SEMA5A: variants seen among roughly 807,000 people sequenced by gnomAD.
SEMA5A encodes the protein semaphorin-5A.
Under a neutral mutation model 135.5 loss-of-function variants are expected in SEMA5A, and 55 were observed. The ratio of observed to expected loss-of-function variants is 0.41; its 90% CI spans 0.33 to 0.51. SEMA5A has a LOEUF of 0.51. Among genes scored for constraint, SEMA5A ranks in the 20% least tolerant of loss-of-function variants. The pLI is 0.37. For synonymous variants in SEMA5A, 580 were observed against 546.5 expected, an observed-to-expected ratio of 1.06 and a Z score of -0.85; for missense variants, 1,290 against 1,419.9, an observed-to-expected ratio of 0.91 and a Z score of 1.47.
At chr5:9,252,904 T>C (rs1748875285) in intron 5 of SEMA5A, among the ~76,000 whole-genome samples, 1 of 152,154 alleles carries the variant, frequency 6.6e-6, no homozygotes, top group African/African-American at 2.4e-5. Context: ...TCTCACCCTT[T>C]TGCATGGGCT....
intron 2 of SEMA5A, among the ~76,000 whole-genome samples, chr5:9,408,012 C>CATCACCATCACTACCAACA (rs544506826): frequency 6.6e-6 from 1 of 151,230 alleles, no homozygotes; most frequent in Non-Finnish European, 1.5e-5. Flanking sequence ...CCATCACTAC[C>CATCACCATCACTACCAACA]AACACCACAA....
intron 12 of SEMA5A, among the ~76,000 whole-genome samples, chr5:9,146,924 T>C (rs1443638729): frequency 6.6e-6 from 1 of 152,232 alleles, no homozygotes; most frequent in Non-Finnish European, 1.5e-5. Flanking sequence ...ATTTACTTTG[T>C]AAAATGGGTA....
intron 2 of SEMA5A, among the ~76,000 whole-genome samples, chr5:9,412,585 T>A (rs1275726650): frequency 5.8e-4 from 79 of 135,198 alleles, no homozygotes; most frequent in African/African-American, 2.0e-3. Context: ...CGGATTCAGA[T>A]TTTGCATTTT....
chr5:9,356,947 G>A (rs1409699096), intron 3 of SEMA5A, among the ~76,000 whole-genome samples: 2 of 152,180 alleles, frequency 1.3e-5, no homozygotes, highest in Admixed American at 6.5e-5. Flanking sequence ...TATTCAGTGA[G>A]CCTGACTTCA....
intron 2 of SEMA5A, among the ~76,000 whole-genome samples, chr5:9,406,312 G>T (rs1418419124): frequency 6.6e-6 from 1 of 152,078 alleles, no homozygotes; most frequent in Non-Finnish European, 1.5e-5. Context: ...CTGGCCAGTG[G>T]GAATAGTCAC....
At chr5:9,433,126 A>C (rs889715984) in intron 2 of SEMA5A, among the ~76,000 whole-genome samples, 2 of 152,198 alleles carry the variant, frequency 1.3e-5, no homozygotes, top group African/African-American at 4.8e-5. Flanking sequence ...TCCACAATAA[A>C]TTAAAATTGG....
At chr5:9,182,174 C>A in intron 11 of SEMA5A, among the ~76,000 whole-genome samples, 1 of 136,112 alleles carries the variant, frequency 7.3e-6, no homozygotes, top group East Asian at 2.4e-4. Flanking sequence ...AAAAAATACG[C>A]TTCCTGAGGA....
intron 3 of SEMA5A, among the ~76,000 whole-genome samples, chr5:9,361,770 G>A (rs1401647184): frequency 1.3e-5 from 2 of 152,128 alleles, no homozygotes; most frequent in East Asian, 1.9e-4. Flanking sequence ...TCTATTTTGC[G>A]GATCTAGGGT....
chr5:9,085,830 A>G (rs1407377485), intron 16 of SEMA5A, among the ~76,000 whole-genome samples: 1 of 152,178 alleles, frequency 6.6e-6, no homozygotes, highest in Non-Finnish European at 1.5e-5. Context: ...GAAAAGCCGC[A>G]GACACTCAAT....
intron 5 of SEMA5A, among the ~76,000 whole-genome samples, chr5:9,272,340 GA>G (rs1481633613): frequency 6.6e-6 from 1 of 152,134 alleles, no homozygotes; most frequent in Admixed American, 6.5e-5. Context: ...GGGCATCTCT[GA>G]AAAACATGCA....
At chr5:9,155,132 T>TAGGGG (rs1247641622) in intron 11 of SEMA5A, among the ~76,000 whole-genome samples, 1 of 152,174 alleles carries the variant, frequency 6.6e-6, no homozygotes, top group African/African-American at 2.4e-5. Flanking sequence ...CAGCTTCAAA[T>TAGGGG]ATCCAGTACG....
intron 1 of SEMA5A, among the ~76,000 whole-genome samples, chr5:9,443,233 C>T (rs1246110750): frequency 6.6e-6 from 1 of 152,150 alleles, no homozygotes; most frequent in African/African-American, 2.4e-5. Context: ...ATGGCAATCT[C>T]TGTGGCTGGG....
At chr5:9,496,852 A>T (rs1735329183) in intron 1 of SEMA5A, among the ~76,000 whole-genome samples, 1 of 152,334 alleles carries the variant, frequency 6.6e-6, no homozygotes, top group African/African-American at 2.4e-5. Context: ...GTCTATGAGG[A>T]TCTTTTTAAA....
intron 16 of SEMA5A, among the ~76,000 whole-genome samples, chr5:9,072,785 C>CA (rs929794203): frequency 6.6e-4 from 101 of 151,996 alleles, no homozygotes; most frequent in African/African-American, 2.3e-3. Flanking sequence ...ATTTTTAGGA[C>CA]AAAAAAATTG....
chr5:9,263,004 C>T (rs1254077162), intron 5 of SEMA5A, among the ~76,000 whole-genome samples: 2 of 139,336 alleles, frequency 1.4e-5, no homozygotes, highest in Admixed American at 1.4e-4. Flanking sequence ...TAAGGAATTC[C>T]AAATGATTTG....
chr5:9,455,471 C>T (rs1199276618), intron 1 of SEMA5A, among the ~76,000 whole-genome samples: 5 of 151,678 alleles, frequency 3.3e-5, no homozygotes, highest in East Asian at 1.9e-4. Context: ...TTAGCAAGGA[C>T]AGTCTCAATC....
intron 1 of SEMA5A, among the ~76,000 whole-genome samples, chr5:9,544,632 C>A (rs765719962): frequency 1.3e-5 from 2 of 152,208 alleles, no homozygotes; most frequent in Non-Finnish European, 2.9e-5. Context: ...GTCCTCCGAG[C>A]GCTCGCTCGC....
At chr5:9,436,161 AT>A (rs1213036698) in intron 2 of SEMA5A, among the ~76,000 whole-genome samples, 1 of 152,192 alleles carries the variant, frequency 6.6e-6, no homozygotes, top group Admixed American at 6.5e-5. Flanking sequence ...TGTTATGAGA[AT>A]TTTAAACATC....
chr5:9,366,978 T>C (rs1333761592), intron 3 of SEMA5A, among the ~76,000 whole-genome samples: 1 of 152,180 alleles, frequency 6.6e-6, no homozygotes, highest in Non-Finnish European at 1.5e-5. Flanking sequence ...TGGTATTCTT[T>C]AAACATGAAC....
Sources: allele counts gnomAD v4.1 joint callset (sites outside exome capture counted in the v4.1 genomes callset), GRCh38; gene constraint gnomAD v4.1.1; transcripts MANE v1.5; gene names NCBI Gene and HGNC (gene_info 2026-07-23, HGNC 2026-07-21).